The following BRINP3 variants were observed in gnomAD, a reference collection of about 807,000 sequenced individuals.
The protein encoded by BRINP3 is BMP/retinoic acid inducible neural specific 3.
Under a neutral mutation model 71.0 loss-of-function variants are expected in BRINP3, and 19 were observed. That is an observed-to-expected ratio of 0.27 (90% CI 0.19 to 0.39). BRINP3 has a LOEUF of 0.39. Among genes scored for constraint, BRINP3 ranks in the 10% least tolerant of loss-of-function variants. The pLI is 1.00. For synonymous variants in BRINP3, 380 were observed against 337.7 expected, an observed-to-expected ratio of 1.13 and a Z score of -1.37; for missense variants, 959 against 940.8, an observed-to-expected ratio of 1.02 and a Z score of -0.25.
chr1:190,351,762 G>T (rs890747521), intron 2 of BRINP3, among the ~76,000 whole-genome samples: 1 of 151,984 alleles, frequency 6.6e-6, no homozygotes, highest in Non-Finnish European at 1.5e-5. Flanking sequence ...TTATGATACA[G>T]ATATAAATTA....
chr1:190,239,910 C>T (rs918363187), intron 4 of BRINP3, among the ~76,000 whole-genome samples: 1 of 151,722 alleles, frequency 6.6e-6, no homozygotes, highest in Non-Finnish European at 1.5e-5. Context: ...GAAAAACAAA[C>T]TACTTTTTTC....
At chr1:190,448,460 GGTTTGTGTGTGTGT>G (rs1417345855) in intron 2 of BRINP3, among the ~76,000 whole-genome samples, 1 of 65,522 alleles carries the variant, frequency 1.5e-5, no homozygotes, top group African/African-American at 5.2e-5. Flanking sequence ...CTACACTTGG[GGTTTGTGTGTGTGT>G]GTGTGTGTGT....
intron 7 of BRINP3, among the ~76,000 whole-genome samples, chr1:190,152,339 G>T (rs1656467644): frequency 6.6e-6 from 1 of 151,646 alleles, no homozygotes. Flanking sequence ...CCAATCTCAA[G>T]CAAATAATTA....
chr1:190,196,123 A>G (rs1480731312), intron 6 of BRINP3, among the ~76,000 whole-genome samples: 1 of 152,120 alleles, frequency 6.6e-6, no homozygotes, highest in Non-Finnish European at 1.5e-5. Context: ...CTATCACTAT[A>G]AAGCAGACAT....
intron 2 of BRINP3, among the ~76,000 whole-genome samples, chr1:190,300,855 T>C (rs936213923): frequency 5.3e-5 from 8 of 151,908 alleles, no homozygotes; most frequent in Non-Finnish European, 8.8e-5. Context: ...CTGGAAACTC[T>C]AAAAAGCAGA....
intron 7 of BRINP3, among the ~76,000 whole-genome samples, chr1:190,131,537 C>T (rs1449253985): frequency 6.6e-6 from 1 of 151,940 alleles, no homozygotes; most frequent in Non-Finnish European, 1.5e-5. Flanking sequence ...TATTGTATTT[C>T]CTCAATGTAT....
intron 6 of BRINP3, among the ~76,000 whole-genome samples, chr1:190,216,505 C>A (rs1027374108): frequency 3.3e-5 from 5 of 151,786 alleles, no homozygotes; most frequent in Non-Finnish European, 7.4e-5. Flanking sequence ...GAAATTTTCT[C>A]AGGTTGCAAG....
At chr1:190,255,099 C>T (rs951832295) in intron 4 of BRINP3, among the ~76,000 whole-genome samples, 1 of 152,010 alleles carries the variant, frequency 6.6e-6, no homozygotes, top group Non-Finnish European at 1.5e-5. Context: ...TATGTCGAAC[C>T]AGCCTTGCAT....
At chr1:190,302,038 G>T (rs1664776736) in intron 2 of BRINP3, among the ~76,000 whole-genome samples, 1 of 151,130 alleles carries the variant, frequency 6.6e-6, no homozygotes, top group Non-Finnish European at 1.5e-5. Flanking sequence ...AAAACTGGGA[G>T]AAAAATATAG....
intron 2 of BRINP3, among the ~76,000 whole-genome samples, chr1:190,415,570 C>T (rs910960738): frequency 2.6e-5 from 4 of 152,032 alleles, no homozygotes; most frequent in African/African-American, 7.2e-5. Flanking sequence ...TATATGAGCA[C>T]TGTATAAATG....
Position 190,224,394 on chromosome 1 carries a change from C to T in BRINP3, c.961+1688G>A, listed in dbSNP as rs1454259718. ...ACACATACGTTGGGGAAAAGAAAAT[C>T]TTTTAAATAAATATTGCTGGAAAAA... On this transcript the variant is annotated intron_variant, in intron 6 of 7. Coordinates refer to ENST00000367462, the MANE Select transcript of BRINP3 (RefSeq NM_199051.3). 1.3e-5 allele frequency among the ~76,000 whole-genome samples: 2 copies of T among 151,784 alleles called. 1 individual carries two copies. The highest frequency in any genetic ancestry group is 4.2e-4 in the South Asian group (2 of 4,814).
chr1:190,463,459 T>G (rs897362912), intron 1 of BRINP3, among the ~76,000 whole-genome samples: 1 of 151,600 alleles, frequency 6.6e-6, no homozygotes, highest in African/African-American at 2.4e-5. Context: ...AATTATAACA[T>G]CATTTGCCAA....
chr1:190,209,658 T>G lies in BRINP3; in HGVS notation c.961+16424A>C, dbSNP rs188162804. 4.0e-3 allele frequency among the ~76,000 whole-genome samples: 613 copies of G among 152,274 alleles called. 1 individual carries two copies. Among genetic ancestry groups the G allele is most frequent in the Admixed American group, 0.012 (176 of 15,284 alleles). On this transcript the variant is annotated intron_variant, in intron 6 of 7. Coordinates refer to ENST00000367462, the MANE Select transcript of BRINP3 (RefSeq NM_199051.3). Reference sequence around the variant, plus strand: ...AATATTTGCTCAGTACTTTAAATCTTTAAATATCTGCTTTGAGAGATCTGA... The same window carrying G: ...AATATTTGCTCAGTACTTTAAATCTGTAAATATCTGCTTTGAGAGATCTGA...
intron 2 of BRINP3, among the ~76,000 whole-genome samples, chr1:190,390,910 TC>T (rs1231611128): frequency 6.6e-6 from 1 of 151,598 alleles, no homozygotes; most frequent in Non-Finnish European, 1.5e-5. Context: ...GACTTGGGAG[TC>T]CCCGGCTTTT....
chr1:190,147,857 C>T (rs1656025836), intron 7 of BRINP3, among the ~76,000 whole-genome samples: 1 of 152,088 alleles, frequency 6.6e-6, no homozygotes, highest in Non-Finnish European at 1.5e-5. Flanking sequence ...CAGAAAGAGC[C>T]GGTGGCCATG....
chr1:190,245,597 G>T (rs1311978747), intron 4 of BRINP3, among the ~76,000 whole-genome samples: 3 of 151,722 alleles, frequency 2.0e-5, no homozygotes, highest in African/African-American at 7.3e-5. Context: ...GAAGTTTAGT[G>T]ATTTTTTTTT....
intron 2 of BRINP3, among the ~76,000 whole-genome samples, chr1:190,374,511 A>C (rs781529475): frequency 6.6e-6 from 1 of 152,010 alleles, no homozygotes; most frequent in African/African-American, 2.4e-5. Context: ...AAAAATATCA[A>C]TATTTGTGAA....
intron 2 of BRINP3, among the ~76,000 whole-genome samples, chr1:190,351,868 T>A (rs1314802609): frequency 6.6e-6 from 1 of 152,104 alleles, no homozygotes; most frequent in African/African-American, 2.4e-5. Flanking sequence ...TTGTAAAAAA[T>A]GCAACTAAAT....
intron 2 of BRINP3, among the ~76,000 whole-genome samples, chr1:190,407,817 T>C (rs1355086597): frequency 2.0e-5 from 3 of 152,010 alleles, no homozygotes; most frequent in Non-Finnish European, 4.4e-5. Flanking sequence ...AAAAAGTCAA[T>C]ATCACATGAA....
Sources: allele counts gnomAD v4.1 joint callset (sites outside exome capture counted in the v4.1 genomes callset), GRCh38; gene constraint gnomAD v4.1.1; transcripts MANE v1.5; gene names NCBI Gene and HGNC (gene_info 2026-07-23, HGNC 2026-07-21).